The following RPS6KA2 variants were observed in gnomAD, a reference collection of about 807,000 sequenced individuals.
The protein encoded by RPS6KA2 is ribosomal protein S6 kinase alpha-2.
In RPS6KA2, 42 loss-of-function variants were observed where a neutral mutation model predicts 91.8. The observed-to-expected ratio is 0.46, with a 90% confidence interval of 0.36 to 0.59. The LOEUF is 0.59. Ranked by LOEUF, RPS6KA2 falls within the 20% of genes least tolerant of loss-of-function variation. The probability of loss-of-function intolerance (pLI) is 0.00; values close to 1 mark genes in which losing one functional copy is unlikely to be tolerated. For synonymous variants in RPS6KA2, 414 were observed against 393.6 expected (o/e 1.05, Z -0.61); for missense variants, 798 against 978.5 (o/e 0.82, Z 2.46).
intron 2 of RPS6KA2, among the ~76,000 whole-genome samples, chr6:166,775,434 A>G (rs967428010): frequency 2.0e-5 from 3 of 152,184 alleles, no homozygotes; most frequent in Non-Finnish European, 4.4e-5. Context: ...GAAATCCTGG[A>G]AACTTGTTAC....
intron 2 of RPS6KA2, among the ~76,000 whole-genome samples, chr6:166,824,536 G>A (rs536439619): frequency 6.6e-6 from 1 of 152,250 alleles, no homozygotes; most frequent in South Asian, 2.1e-4. Context: ...GAGGGCATGT[G>A]TGTGTGAGTG....
rs1050100845 is a variant in RPS6KA2, at chr6:166,701,471, C to A, written c.123+156729G>T. Reference sequence around the variant, plus strand: ...GCCTCTGGTGATCCAGCGATCATCACCATCCTCACCTTAGCATCTGGTGCT... The same window carrying A: ...GCCTCTGGTGATCCAGCGATCATCAACATCCTCACCTTAGCATCTGGTGCT... On this transcript the variant is annotated intron_variant, in intron 2 of 21. Transcript: ENST00000503859. 1.7e-5 allele frequency: 20 copies of A among 1,162,036 alleles called. No homozygotes were observed. In the African/African-American group the frequency reaches 2.7e-4, roughly 16 times the overall value. 72.0% of individuals were successfully genotyped at this position (1,162,036 alleles called of 1,614,324 possible).
Position 166,673,238 on chromosome 6 carries a change from G to A in RPS6KA2, c.124-134454C>T, listed in dbSNP as rs1020647806. On this transcript the variant is annotated intron_variant, in intron 2 of 21. Transcript: ENST00000503859. ...TCCACGTGCACACAGACCCAGGAAG[G>A]CCTCCTCTCAGGACCAGGGGTGCAG... 8.5e-5 allele frequency among the ~76,000 whole-genome samples: 13 copies of A among 152,176 alleles called. No individual in the cohort carries two copies. The South Asian group carries it at 1.0e-3, about 12-fold the overall frequency.
rs141131880 is a variant in RPS6KA2 at position 166,697,772 on chromosome 6, A to C, written c.124-158988T>G. ...TACAGGGTTTGTTTGGCTTGTACTG[A>C]ACTGAAACAGACATGGAAACACACA... is the stretch of plus-strand genomic sequence containing the variant. On this transcript the variant is annotated intron_variant, in intron 2 of 21. Coordinates refer to the RPS6KA2 transcript ENST00000503859. 9.8e-3 allele frequency among the ~76,000 whole-genome samples: 1,485 copies of C among 152,232 alleles called. 17 individuals are homozygous for C. Among genetic ancestry groups the C allele is most frequent in the Non-Finnish European group, 0.011 (756 of 68,010 alleles).
At chr6:166,769,719 T>C (rs1225499687) in intron 2 of RPS6KA2, among the ~76,000 whole-genome samples, 1 of 152,210 alleles carries the variant, frequency 6.6e-6, no homozygotes, top group Non-Finnish European at 1.5e-5. Flanking sequence ...GGCAATGGAA[T>C]GCAGTAGGGA....
At chr6:166,467,707 G>A (rs1255308856) in intron 11 of RPS6KA2, among the ~76,000 whole-genome samples, 1 of 152,208 alleles carries the variant, frequency 6.6e-6, no homozygotes, top group Non-Finnish European at 1.5e-5. Flanking sequence ...ACTTTCGTGT[G>A]CTTCTCCATC....
chr6:166,773,649 T>A (rs1335902638), intron 2 of RPS6KA2, among the ~76,000 whole-genome samples: 2 of 152,188 alleles, frequency 1.3e-5, no homozygotes, highest in African/African-American at 4.8e-5. Flanking sequence ...ATCTGCCTGC[T>A]TTGGCCTCCC....
intron 11 of RPS6KA2, 127 bp downstream of exon 11, chr6:166,469,714 T>G: frequency 1.2e-6 from 1 of 861,702 alleles, no homozygotes; most frequent in South Asian, 1.4e-5. Flanking sequence ...TGCAGGTGGC[T>G]TGTCTACATT....
intron 1 of RPS6KA2, among the ~76,000 whole-genome samples, chr6:166,545,361 C>T (rs750331709): frequency 2.0e-4 from 31 of 152,170 alleles, no homozygotes; most frequent in Non-Finnish European, 3.2e-4. Context: ...CTGCAGTCAC[C>T]GCATGCACAG....
At chr6:166,658,241 G>A (rs915794215) in intron 2 of RPS6KA2, among the ~76,000 whole-genome samples, 4 of 152,100 alleles carry the variant, frequency 2.6e-5, no homozygotes, top group Admixed American at 1.3e-4. Context: ...TGATGGCCTC[G>A]GTGAGGAAGC....
At chr6:166,706,481 C>T (rs1213958978) in intron 2 of RPS6KA2, among the ~76,000 whole-genome samples, 8 of 152,180 alleles carry the variant, frequency 5.3e-5, no homozygotes, top group African/African-American at 9.7e-5. Flanking sequence ...AGTTGGTGAG[C>T]GTGGGAAGGA....
intron 6 of RPS6KA2, among the ~76,000 whole-genome samples, chr6:166,502,949 A>C (rs945905633): frequency 1.3e-5 from 2 of 152,124 alleles, no homozygotes; most frequent in Non-Finnish European, 2.9e-5. Flanking sequence ...GGATTTGGGG[A>C]TTTTGCAATA....
At chr6:166,694,161 C>T (rs12213805) in intron 2 of RPS6KA2, among the ~76,000 whole-genome samples, 4,301 of 152,328 alleles carry the variant, frequency 0.028, 99 homozygotes, top group Admixed American at 0.039. Context: ...CTCCCACACA[C>T]GGAGGTTCTT....
In RPS6KA2 at chr6:166,434,379, T is replaced by G. The variant is rs1779227704; in HGVS notation, c.1333-1889A>C. Among the ~76,000 whole-genome samples the G allele has an allele frequency of 6.6e-6, 1 of 152,204 alleles. No individual in the cohort carries two copies. The highest frequency in any genetic ancestry group is 2.1e-4 in the South Asian group (1 of 4,834). The stretch of plus-strand genomic sequence containing the variant: ...GAAGTTTTAGCTAGGACACTAGGAC[T>G]AATTCTATTGCCAACATAAATGCAT... On this transcript the variant is annotated intron_variant, in intron 14 of 20. Transcript: ENST00000265678. This position sits in a 1 kb window ranked among gnomAD's most constrained non-coding sequence, Gnocchi z 4.4.
chr6:166,602,523 G>A lies in RPS6KA2; in HGVS notation c.99+24398C>T, dbSNP rs1008544248. ...TTGGCACAGTCAGATGAAATACCAC[G>A]CAGAAGCAAACATAGGAACCAAGCG... On this transcript the variant is annotated intron_variant, in intron 1 of 20. Transcript: ENST00000265678. Among the ~76,000 whole-genome samples the A allele has an allele frequency of 1.2e-4, 19 of 152,284 alleles. No homozygotes were observed. In the South Asian group the frequency reaches 2.7e-3, roughly 22 times the overall value.
chr6:166,556,498 T>C (rs1442436086), intron 1 of RPS6KA2, among the ~76,000 whole-genome samples: 1 of 152,088 alleles, frequency 6.6e-6, no homozygotes, highest in East Asian at 1.9e-4. Context: ...CAGAAGAAAG[T>C]GAATTATGTG....
At chr6:166,718,143 C>T (rs7776370) in intron 2 of RPS6KA2, among the ~76,000 whole-genome samples, 2,904 of 152,234 alleles carry the variant, frequency 0.019, 97 homozygotes, top group African/African-American at 0.066. Flanking sequence ...CCACTGTGCC[C>T]GGCCCTATTT....
At chr6:166,746,881 C>G (rs990626846) in intron 2 of RPS6KA2, among the ~76,000 whole-genome samples, 1 of 152,188 alleles carries the variant, frequency 6.6e-6, no homozygotes, top group Admixed American at 6.5e-5. Context: ...CAGAGAACCA[C>G]ATTATTAAGG....
chr6:166,723,743 C>T (rs1024587857), intron 2 of RPS6KA2, among the ~76,000 whole-genome samples: 4 of 149,686 alleles, frequency 2.7e-5, no homozygotes, highest in African/African-American at 1.0e-4. Context: ...TTCTGTCGCC[C>T]AGGCTGGAGT....
Sources: allele counts gnomAD v4.1 joint callset (sites outside exome capture counted in the v4.1 genomes callset), GRCh38; gene constraint gnomAD v4.1.1; non-coding constraint Gnocchi (gnomAD v3.1); transcripts MANE v1.5; gene names NCBI Gene and HGNC (gene_info 2026-07-23, HGNC 2026-07-21).